RAD17: variants seen among roughly 807,000 people sequenced by gnomAD.
RAD17 encodes RAD17 checkpoint clamp loader component.
A neutral mutation model predicts 81.5 loss-of-function variants in RAD17; 31 were observed. The ratio of observed to expected loss-of-function variants is 0.38; its 90% CI spans 0.29 to 0.51. The LOEUF is 0.51. RAD17 is among the 20% of genes least tolerant of loss of function. The pLI is 0.88. For missense variants in RAD17, 681 were observed against 781.2 expected, an observed-to-expected ratio of 0.87 and a Z score of 1.53; for synonymous variants, 261 against 266.2, an observed-to-expected ratio of 0.98 and a Z score of 0.19.
chr5:69,369,999 T>G, intron 1 of RAD17, 66 bp downstream of exon 1: 1 of 422,958 alleles, frequency 2.4e-6, no homozygotes, highest in Non-Finnish European at 4.2e-6. Flanking sequence ...ATCTCTGCCT[T>G]CAAGCTTTCC....
chr5:69,380,814 A>G (rs947460689), intron 6 of RAD17, among the ~76,000 whole-genome samples: 1 of 148,978 alleles, frequency 6.7e-6, no homozygotes, highest in African/African-American at 2.5e-5. Flanking sequence ...AATGTGCAGG[A>G]TGGAGTGCAG....
chr5:69,375,474 A>G (rs980127709), intron 6 of RAD17, among the ~76,000 whole-genome samples: 1 of 152,052 alleles, frequency 6.6e-6, no homozygotes, highest in South Asian at 2.1e-4. Context: ...TCCCTTTTTA[A>G]ATGTTTTTTA....
chr5:69,390,400 G>T (rs957898855), intron 12 of RAD17, among the ~76,000 whole-genome samples: 8 of 152,112 alleles, frequency 5.3e-5, no homozygotes, highest in Admixed American at 2.6e-4. Flanking sequence ...AAGCCAAGGT[G>T]GGTGGATCAC....
Position 69,374,072 on chromosome 5 carries a change from T to C in RAD17, c.252T>C (p.Tyr84=). 1.9e-6 allele frequency: 3 copies of C among 1,607,470 alleles called. No homozygotes were observed. The highest frequency in any genetic ancestry group is 2.5e-6 in the Non-Finnish European group (3 of 1,177,444). The part of the protein sequence containing the change: ...LSENEPWVDK[Y]KPETQHELAV... ...AAAATGAACCATGGGTGGATAAATA[T>C]AAACCAGAAACTCAGGTACTGAAAA... The change falls in exon 5 of 19, where the codon TAT becomes TAC. Residue 84 remains tyrosine, a synonymous_variant. Coordinates refer to ENST00000354868, the MANE Select transcript of RAD17 (RefSeq NM_133338.3).
chr5:69,397,898 A>T (rs899794580), intron 16 of RAD17, among the ~76,000 whole-genome samples: 2 of 152,168 alleles, frequency 1.3e-5, no homozygotes, highest in African/African-American at 4.8e-5. Flanking sequence ...CGGGCAGATC[A>T]CGAGGTCAGG....
At chr5:69,377,668 T>TATATATGTATAC (rs1359294720) in intron 6 of RAD17, among the ~76,000 whole-genome samples, 3 of 33,602 alleles carry the variant, frequency 8.9e-5, no homozygotes, top group African/African-American at 2.2e-4. Flanking sequence ...TATGTATACA[T>TATATATGTATAC]ATATATATGC....
chr5:69,397,556 G>C (rs1377171397), intron 16 of RAD17, among the ~76,000 whole-genome samples: 2 of 152,040 alleles, frequency 1.3e-5, no homozygotes, highest in Non-Finnish European at 2.9e-5. Flanking sequence ...TTGAGCCCAG[G>C]AGTTTGAGAC....
In RAD17 at chr5:69,386,044, A is replaced by G; in HGVS notation, c.647A>G (p.Asp216Gly). Residue 216 changes from aspartate (D) to glycine (G), a missense_variant and splice_region_variant, in exon 9 of 19, where the codon GAT (aspartate) becomes GGT (glycine). Physicochemically the swap from Asp to Gly is moderately conservative, Grantham distance 94. Transcript: ENST00000354868. ...RTDKKIILVE[D>G]LPNQFYRDSH... ...TTATTTATTTTTTATTTTCAATAGG[A>G]TTTACCTAACCAGTTTTATCGGGAT... is the stretch of plus-strand genomic sequence containing the variant. The G allele has an allele frequency of 6.3e-7, 1 of 1,584,122 alleles. No individual in the cohort carries two copies. The highest frequency in any genetic ancestry group is 8.6e-7 in the Non-Finnish European group (1 of 1,167,686).
intron 6 of RAD17, among the ~76,000 whole-genome samples, chr5:69,379,865 G>A (rs1049279345): frequency 3.9e-5 from 6 of 151,916 alleles, no homozygotes; most frequent in African/African-American, 1.5e-4. Flanking sequence ...ACTTGCCTGA[G>A]GCTGTTTTAT....
chr5:69,396,544 A>G lies in RAD17; in HGVS notation c.1570A>G (p.Lys524Glu), dbSNP rs17236485. Reference protein sequence around the residue: ...HKPQWFLINKKYRENCLAAKA... With the variant: ...HKPQWFLINKEYRENCLAAKA... ...ACCTCAGTGGTTTCTAATAAATAAA[A>G]AGGTAAAAAAAAAAAAAAAAATTCT... is the stretch of plus-strand genomic sequence containing the variant. The change falls in exon 16 of 19, where the codon AAG becomes GAG. Residue 524 changes from lysine to glutamate, a missense_variant and splice_region_variant. Physicochemically the swap from Lys to Glu is moderately conservative, Grantham distance 56. Transcript: ENST00000354868. 2.0e-5 allele frequency: 29 copies of G among 1,420,058 alleles called. No individual in the cohort carries two copies. The African/African-American group carries it at 6.0e-4, about 29-fold the overall frequency. 88.0% of individuals were successfully genotyped at this position (1,420,058 alleles called of 1,614,324 possible). A position where few individuals can be genotyped will look rare whatever the true frequency, so the allele number is the denominator to read the frequency against.
intron 16 of RAD17, 95 bp from the exon 17 acceptor site, chr5:69,399,954 A>G: frequency 2.6e-6 from 2 of 768,748 alleles, no homozygotes; most frequent in Non-Finnish European, 3.8e-6. Context: ...ATATAAACTT[A>G]TTGTGTAAGT....
At chr5:69,384,992 C>G in intron 8 of RAD17, 59 bp downstream of exon 8, 1 of 1,375,870 alleles carries the variant, frequency 7.3e-7, no homozygotes, top group Non-Finnish European at 9.7e-7. Context: ...CTTGCTGTGT[C>G]ACTGTCACCC....
intron 5 of RAD17, 115 bp downstream of exon 5, chr5:69,374,202 G>T: frequency 1.1e-6 from 1 of 951,358 alleles, no homozygotes; most frequent in Non-Finnish European, 1.5e-6. Flanking sequence ...ATCTTTCTAA[G>T]TGTTAGAAAA....
At chr5:69,404,740 G>A (rs1229083836) in intron 17 of RAD17, among the ~76,000 whole-genome samples, 2 of 150,598 alleles carry the variant, frequency 1.3e-5, no homozygotes, top group African/African-American at 4.9e-5. Context: ...TTGCACTCCA[G>A]CCTGGGCAAC....
chr5:69,400,341 C>G (rs1460816495), intron 17 of RAD17, among the ~76,000 whole-genome samples, 172 bp downstream of exon 17: 1 of 151,928 alleles, frequency 6.6e-6, no homozygotes, highest in Non-Finnish European at 1.5e-5. Flanking sequence ...CCTCAGCCTT[C>G]TGAGTAGCTG....
rs973006969 is a variant in RAD17 at position 69,370,878 on chromosome 5, T to C, written c.-416-157T>C. The stretch of plus-strand genomic sequence containing the variant: ...AAGTTTGTAGACCTTAAACTTTTCT[T>C]CTGGCTAACTTAAAATCGTTGAATT... On this transcript the variant is annotated intron_variant, in intron 1 of 18. Transcript: ENST00000354868. 4.7e-5 allele frequency: 11 copies of C among 234,382 alleles called. 1 individual carries two copies. The highest frequency in any genetic ancestry group is 8.7e-6 in the Non-Finnish European group (1 of 115,548). 14.5% of individuals were successfully genotyped at this position (234,382 alleles called of 1,614,324 possible). A position where few individuals can be genotyped will look rare whatever the true frequency, so the allele number is the denominator to read the frequency against.
chr5:69,397,024 G>T (rs2150848038), intron 16 of RAD17, among the ~76,000 whole-genome samples: 1 of 152,206 alleles, frequency 6.6e-6, no homozygotes, highest in South Asian at 2.1e-4. Context: ...AGTAGAGACA[G>T]GGTTTCACCA....
At chr5:69,369,677 T>G, upstream of RAD17, 1 of 1,555,778 alleles carries the variant, frequency 6.4e-7, no homozygotes, top group Non-Finnish European at 8.7e-7. Context: ...ATGACACATT[T>G]CCGTCGCAAA....
chr5:69,377,650 CATATATATATGT>C lies in RAD17; in HGVS notation c.351+2943_351+2954del, dbSNP rs1763562703. 8.9e-5 allele frequency among the ~76,000 whole-genome samples: 2 copies of C among 22,360 alleles called. 1 individual carries two copies. The highest frequency in any genetic ancestry group is 1.8e-4 in the African/African-American group (2 of 11,404). 14.7% of individuals were successfully genotyped at this position (22,360 alleles called of 152,430 possible). A position where few individuals can be genotyped will look rare whatever the true frequency, so the allele number is the denominator to read the frequency against. The stretch of plus-strand genomic sequence containing the variant: ...ATATATATGTATACATATATATATG[CATATATATATGT>C]ATACATATATATATGCATATATATA... On this transcript the variant is annotated intron_variant, in intron 6 of 18. Coordinates refer to ENST00000354868, the MANE Select transcript of RAD17 (RefSeq NM_133338.3).
Sources: allele counts gnomAD v4.1 joint callset (sites outside exome capture counted in the v4.1 genomes callset), GRCh38; gene constraint gnomAD v4.1.1; transcripts MANE v1.5; gene names NCBI Gene and HGNC (gene_info 2026-07-23, HGNC 2026-07-21).